Variants in CHL1 observed in about 807,000 individuals in gnomAD.
The protein encoded by CHL1 is cell adhesion molecule L1 like, also known as neural cell adhesion molecule L1-like protein.
In CHL1, 96 loss-of-function variants were observed where a neutral mutation model predicts 141.9. That is an observed-to-expected ratio of 0.68 (90% CI 0.57 to 0.80). CHL1 has a LOEUF of 0.80. Among genes scored for constraint, CHL1 ranks in the 30% least tolerant of loss-of-function variants. CHL1 has a pLI of 0.00. For synonymous variants in CHL1, 613 were observed against 502.2 expected, an observed-to-expected ratio of 1.22 and a Z score of -2.95; for missense variants, 1,820 against 1,457.2, an observed-to-expected ratio of 1.25 and a Z score of -4.05.
At chr3:276,498 CAAG>C (rs1469021571) in intron 2 of CHL1, among the ~76,000 whole-genome samples, 1 of 152,028 alleles carries the variant, frequency 6.6e-6, no homozygotes, top group Non-Finnish European at 1.5e-5. Flanking sequence ...CAATAAGAGG[CAAG>C]AAGAACTTCA....
intron 2 of CHL1, among the ~76,000 whole-genome samples, chr3:307,053 C>T (rs1409984799): frequency 1.3e-5 from 2 of 152,154 alleles, no homozygotes; most frequent in Non-Finnish European, 2.9e-5. Flanking sequence ...GACAATGATT[C>T]CATATAGAAA....
chr3:270,788 G>C (rs1203373693), intron 2 of CHL1, among the ~76,000 whole-genome samples: 2 of 152,252 alleles, frequency 1.3e-5, no homozygotes, highest in Non-Finnish European at 2.9e-5. Context: ...GCTCACCACA[G>C]CTTTCCCACA....
At chr3:381,897 CA>C (rs1209974862) in intron 16 of CHL1, among the ~76,000 whole-genome samples, 1 of 152,050 alleles carries the variant, frequency 6.6e-6, no homozygotes, top group Non-Finnish European at 1.5e-5. Context: ...ATAGGAGAAC[CA>C]AACATCCCTG....
intron 24 of CHL1, among the ~76,000 whole-genome samples, chr3:395,519 C>T (rs776903448): frequency 5.3e-5 from 8 of 152,048 alleles, no homozygotes; most frequent in South Asian, 2.1e-4. Context: ...TCTATGATAG[C>T]AACAGGACCT....
rs9820546 is a variant in CHL1, at chr3:407,563, C to T, written c.*1852C>T. On this transcript the variant is annotated 3_prime_UTR_variant, in exon 28 of 28. Coordinates refer to ENST00000256509, the MANE Select transcript of CHL1 (RefSeq NM_006614.4). ...TCAGTGCAACTCGAGCTCCATCCTC[C>T]TCCGATTTCTAAGGTTCCAGTTTTC... is the stretch of plus-strand genomic sequence containing the variant. 6.6e-6 allele frequency: 1 copy of T among 151,990 alleles called. No homozygotes were observed. Among genetic ancestry groups the T allele is most frequent in the African/African-American group, 2.4e-5 (1 of 41,316 alleles). The allele number at this position is 151,990 out of a possible 1,614,324, so 9.4% of individuals were successfully genotyped here. A position where few individuals can be genotyped will look rare whatever the true frequency, so the allele number is the denominator to read the frequency against.
At chr3:322,874 G>C (rs1056418012) in intron 3 of CHL1, among the ~76,000 whole-genome samples, 1 of 150,846 alleles carries the variant, frequency 6.6e-6, no homozygotes, top group South Asian at 2.1e-4. Flanking sequence ...CATATACTCA[G>C]AGTAAAAAAC....
intron 1 of CHL1, chr3:217,656 A>C (rs777148306): frequency 6.6e-6 from 1 of 152,540 alleles, no homozygotes; most frequent in Non-Finnish European, 1.5e-5. Flanking sequence ...ACAGAAGGCT[A>C]GAACCTGCAG....
chr3:318,458 A>G (rs891789783), intron 2 of CHL1, among the ~76,000 whole-genome samples: 7 of 151,994 alleles, frequency 4.6e-5, no homozygotes, highest in Admixed American at 2.6e-4. Flanking sequence ...GGAGCAAATT[A>G]TTGTATTATT....
chr3:257,901 C>A (rs1176377761), intron 2 of CHL1, among the ~76,000 whole-genome samples: 1 of 152,008 alleles, frequency 6.6e-6, no homozygotes, highest in Non-Finnish European at 1.5e-5. Context: ...GCGAAGAAAT[C>A]ATTGAATTTA....
intron 1 of CHL1, among the ~76,000 whole-genome samples, chr3:221,557 C>T (rs1056411897): frequency 2.6e-5 from 4 of 152,118 alleles, no homozygotes; most frequent in Non-Finnish European, 4.4e-5. Context: ...TGTGAAAGAC[C>T]AGACAAAAAG....
At chr3:206,253 A>G (rs1699433640) in intron 1 of CHL1, among the ~76,000 whole-genome samples, 1 of 152,176 alleles carries the variant, frequency 6.6e-6, no homozygotes, top group Admixed American at 6.5e-5. Flanking sequence ...GGATCACTTG[A>G]GGTCAGGAGT....
chr3:290,842 A>T (rs533013090), intron 2 of CHL1, among the ~76,000 whole-genome samples: 6 of 151,906 alleles, frequency 3.9e-5, no homozygotes, highest in African/African-American at 1.2e-4. Context: ...AGGCTGAGGC[A>T]GGAGAATTGC....
intron 15 of CHL1, among the ~76,000 whole-genome samples, chr3:372,784 G>C (rs1330801103): frequency 6.6e-6 from 1 of 151,226 alleles, no homozygotes; most frequent in Non-Finnish European, 1.5e-5. Context: ...TTTTGTGGGA[G>C]ATTTTGTTGT....
At chr3:279,072 C>T (rs1247888397) in intron 2 of CHL1, among the ~76,000 whole-genome samples, 1 of 152,022 alleles carries the variant, frequency 6.6e-6, no homozygotes, top group East Asian at 1.9e-4. Context: ...AGAATGATGC[C>T]GGATATTCAG....
Position 377,812 on chromosome 3 carries a change from T to C in CHL1, c.1752-6T>C. The C allele has an allele frequency of 3.8e-6, 6 of 1,598,676 alleles. No individual in the cohort carries two copies. The highest frequency in any genetic ancestry group is 5.1e-6 in the Non-Finnish European group (6 of 1,171,162). On this transcript the variant is annotated splice_polypyrimidine_tract_variant and splice_region_variant and intron_variant, in intron 15 of 27. Transcript: ENST00000256509. ...TCTCATCATGTACTCACTTTTTTTC[T>C]GATAGGATAATTATTGATGGAGCTA...
intron 2 of CHL1, among the ~76,000 whole-genome samples, chr3:316,565 T>A (rs1371098664): frequency 2.6e-5 from 4 of 152,056 alleles, no homozygotes; most frequent in African/African-American, 9.7e-5. Context: ...TTTGTGGATC[T>A]GAGTTGATAT....
intron 1 of CHL1, among the ~76,000 whole-genome samples, chr3:241,250 A>T (rs939372216): frequency 6.6e-6 from 1 of 152,222 alleles, no homozygotes; most frequent in African/African-American, 2.4e-5. Flanking sequence ...GAGTCATGTC[A>T]TAAAATGACA....
intron 2 of CHL1, among the ~76,000 whole-genome samples, chr3:288,103 G>C (rs1041019336): frequency 6.6e-6 from 1 of 151,942 alleles, no homozygotes; most frequent in Non-Finnish European, 1.5e-5. Context: ...TATTTTACTT[G>C]GATTCTGATT....
At chr3:297,954 C>G (rs1446881017) in intron 2 of CHL1, among the ~76,000 whole-genome samples, 1 of 152,128 alleles carries the variant, frequency 6.6e-6, no homozygotes, top group African/African-American at 2.4e-5. Context: ...CTCCATAGGT[C>G]TGGTACAGCT....
Sources: gnomAD v4.1 joint callset for allele counts (sites outside exome capture counted in the v4.1 genomes callset) on GRCh38, gnomAD v4.1.1 for gene constraint, MANE v1.5 for transcripts, NCBI Gene and HGNC (gene_info 2026-07-23, HGNC 2026-07-21) for gene names.